The following KLF1 variants were observed in gnomAD, a reference collection of about 807,000 sequenced individuals.
KLF1 encodes KLF transcription factor 1, also known as Krueppel-like factor 1.
KLF1 carries 29 observed loss-of-function variants against 28.0 expected under a neutral mutation model. The ratio of observed to expected loss-of-function variants is 1.04; its 90% CI spans 0.77 to 1.41. The LOEUF is 1.41. Among genes scored for constraint, KLF1 ranks in the 40% most tolerant of loss-of-function variants. The probability of loss-of-function intolerance (pLI) is 0.00; values close to 1 mark genes in which losing one functional copy is unlikely to be tolerated. For synonymous variants in KLF1, 262 were observed against 242.6 expected (o/e 1.08, Z -0.74); for missense variants, 508 against 515.1 (o/e 0.99, Z 0.13).
chr19:12,884,984 G>C lies in KLF1; in HGVS notation c.990C>G (p.Tyr330Ter). Reference sequence around the variant, plus strand: ...AGGGGCGCTGCCCCGTGTGTTTCCGGTAGTGGCGGGTCAGCTCGTCCGAGC... The same window carrying C: ...AGGGGCGCTGCCCCGTGTGTTTCCGCTAGTGGCGGGTCAGCTCGTCCGAGC... ...FARSDELTRH[Y>*]RKHTGQRPFR... The change falls in exon 3 of 3, where the codon TAC (tyrosine) becomes TAG (stop). Residue 330 changes from tyrosine (Y) to a stop codon, truncating the protein, a stop_gained. Coordinates refer to ENST00000264834, the MANE Select transcript of KLF1 (RefSeq NM_006563.5). LOFTEE classifies it high-confidence loss of function. 1 of 1,611,842 alleles carries C rather than the reference G, an allele frequency of 6.2e-7. No individual in the cohort carries two copies. Among genetic ancestry groups the C allele is most frequent in the Non-Finnish European group, 8.5e-7 (1 of 1,179,916 alleles).
chr19:12,884,846 TC>T lies in KLF1; in HGVS notation c.*38del, dbSNP rs1970416839. On this transcript the variant is annotated 3_prime_UTR_variant, in exon 3 of 3. Coordinates refer to ENST00000264834, the MANE Select transcript of KLF1 (RefSeq NM_006563.5). ...ACCACCAAACAGGCTTCTTGTCCCA[TC>T]CCCAGTCACTAGGAGAGTCCAAGTG... 2 of 1,608,990 alleles carry T rather than the reference TC, an allele frequency of 1.2e-6. No individual in the cohort carries two copies. The highest frequency in any genetic ancestry group is 1.7e-6 in the Non-Finnish European group (2 of 1,177,308).
chr19:12,884,649 G>T lies in KLF1; in HGVS notation c.*236C>A. ...TTTGCACGACAGTTTGGACATCTCT[G>T]TGTGGCTCCCTGTGGCTGAAGGCTT... On this transcript the variant is annotated 3_prime_UTR_variant, in exon 3 of 3. Transcript: ENST00000264834. 1.7e-6 allele frequency: 1 copy of T among 579,118 alleles called. No individual in the cohort carries two copies. 35.9% of individuals were successfully genotyped at this position (579,118 alleles called of 1,614,324 possible).
chr19:12,884,805 G>T lies in KLF1; in HGVS notation c.*80C>A. The stretch of plus-strand genomic sequence containing the variant: ...AAAACCACCCAGCATTGTGTCACGC[G>T]CGTCCGTGTGAAGAGACCACCAAAC... On this transcript the variant is annotated 3_prime_UTR_variant, in exon 3 of 3. Transcript: ENST00000264834. 2 of 1,480,386 alleles carry T rather than the reference G, an allele frequency of 1.4e-6. No individual in the cohort carries two copies. Among genetic ancestry groups the T allele is most frequent in the African/African-American group, 1.4e-5 (1 of 72,472 alleles). The allele number at this position is 1,480,386 out of a possible 1,614,324, so 91.7% of individuals were successfully genotyped here. A position where few individuals can be genotyped will look rare whatever the true frequency, so the allele number is the denominator to read the frequency against.
In KLF1 at chr19:12,885,120, G is replaced by A. The variant is rs545302363; in HGVS notation, c.914-60C>T. On this transcript the variant is annotated intron_variant, in intron 2 of 2. Transcript: ENST00000264834. This position sits in a 1 kb window ranked among gnomAD's most constrained non-coding sequence, Gnocchi z 5.6. ...GCCCAGTCATGTCCCCGGGTCCCCTGCATCTGGCCACACCCCTTTACTCAG... is the reference window on the plus strand; with the variant it reads ...GCCCAGTCATGTCCCCGGGTCCCCTACATCTGGCCACACCCCTTTACTCAG... 25 of 1,569,024 alleles carry A rather than the reference G, an allele frequency of 1.6e-5. No homozygotes were observed. Among genetic ancestry groups the A allele is most frequent in the Middle Eastern group, 1.9e-4 (1 of 5,170 alleles).
At position 12,885,239 on chromosome 19, in the gene KLF1, G is replaced by T; in HGVS notation, c.913+78C>A. ...CAGAGGCCAGCCAAGTCCAAGTCCC[G>T]CCCTCTGCAACCCTTCTTCCCCTGT... On this transcript the variant is annotated intron_variant, in intron 2 of 2. Coordinates refer to ENST00000264834, the MANE Select transcript of KLF1 (RefSeq NM_006563.5). This position sits in a 1 kb window ranked among gnomAD's most constrained non-coding sequence, Gnocchi z 5.6. 1 of 1,412,464 alleles carries T rather than the reference G, an allele frequency of 7.1e-7. No homozygotes were observed. The highest frequency in any genetic ancestry group is 9.7e-7 in the Non-Finnish European group (1 of 1,034,414). 87.5% of individuals were successfully genotyped at this position (1,412,464 alleles called of 1,614,324 possible). A position where few individuals can be genotyped will look rare whatever the true frequency, so the allele number is the denominator to read the frequency against.
rs199685739 is a variant in KLF1 at position 12,885,427 on chromosome 19, C to A, written c.803G>T (p.Arg268Leu). The A allele has an allele frequency of 1.4e-4, 228 of 1,605,840 alleles. 3 individuals carry two copies. In the Middle Eastern group the frequency reaches 6.4e-3, roughly 45 times the overall value. Reference sequence around the variant, plus strand: ...CTGCCTCTTGCGCGCCCACGAACGTCGGCCTCGCTTGGATGGCGCGGTCTC... The same window carrying A: ...CTGCCTCTTGCGCGCCCACGAACGTAGGCCTCGCTTGGATGGCGCGGTCTC... ...IAETAPSKRGRRSWARKRQAA... is the reference protein window; with the variant it reads ...IAETAPSKRGLRSWARKRQAA... The change falls in exon 2 of 3, where the codon CGA (arginine) becomes CTA (leucine). Residue 268 changes from arginine (R) to leucine (L), a missense_variant. Coordinates refer to ENST00000264834, the MANE Select transcript of KLF1 (RefSeq NM_006563.5). This position sits in a 1 kb window ranked among gnomAD's most constrained non-coding sequence, Gnocchi z 5.6.
At position 12,885,839 on chromosome 19, in the gene KLF1, C is replaced by T; in HGVS notation, c.391G>A (p.Asp131Asn). Residue 131 changes from aspartate (D) to asparagine (N), a missense_variant, in exon 2 of 3, where the codon GAT becomes AAT. Asp to Asn is a conservative substitution (Grantham distance 23). Transcript: ENST00000264834. This position sits in a 1 kb window ranked among gnomAD's most constrained non-coding sequence, Gnocchi z 5.6. ...GLVAGLLGSE[D>N]HSGWVRPALR... ...GCAGGGCGCACCCAACCCGAGTGAT[C>T]CTCCGAACCCAAAAGCCCAGCCACC... 6.4e-7 allele frequency: 1 copy of T among 1,550,970 alleles called. No individual in the cohort carries two copies. Among genetic ancestry groups the T allele is most frequent in the Non-Finnish European group, 8.7e-7 (1 of 1,147,560 alleles).
intron 1 of KLF1, among the ~76,000 whole-genome samples, chr19:12,886,609 C>CTTTTTT (rs969979307): frequency 7.3e-6 from 1 of 137,834 alleles, no homozygotes; most frequent in African/African-American, 2.7e-5. Context: ...GATCTCGTTC[C>CTTTTTT]TTTTTTTTTT....
rs1381599706 is a variant in KLF1, at chr19:12,884,500, C to A, written c.*385G>T. On this transcript the variant is annotated 3_prime_UTR_variant, in exon 3 of 3. Coordinates refer to ENST00000264834, the MANE Select transcript of KLF1 (RefSeq NM_006563.5). ...AGCCACAATAAGGGACCTTCAGGAG[C>A]CGCTTTCTAGACCCAGGGTCTCTGG... 1 of 247,246 alleles carries A rather than the reference C, an allele frequency of 4.0e-6. No homozygotes were observed. The highest frequency in any genetic ancestry group is 8.0e-6 in the Non-Finnish European group (1 of 124,410). 15.3% of individuals were successfully genotyped at this position (247,246 alleles called of 1,614,324 possible).
Position 12,885,776 on chromosome 19 carries a change from C to A in KLF1, c.454G>T (p.Ala152Ser). 6.5e-7 allele frequency: 1 copy of A among 1,539,104 alleles called. No homozygotes were observed. The highest frequency in any genetic ancestry group is 8.7e-7 in the Non-Finnish European group (1 of 1,143,274). ...ARAPDAFVGPALAPAPAPEPK... is the reference protein window; with the variant it reads ...ARAPDAFVGPSLAPAPAPEPK... ...TCGGGGGCCGGGGCTGGAGCCAGGG[C>A]TGGGCCCACGAAGGCGTCGGGAGCC... Residue 152 changes from alanine to serine, a missense_variant, in exon 2 of 3, where the codon GCC becomes TCC. Coordinates refer to ENST00000264834, the MANE Select transcript of KLF1 (RefSeq NM_006563.5). This position sits in a 1 kb window ranked among gnomAD's most constrained non-coding sequence, Gnocchi z 5.6.
At position 12,885,298 on chromosome 19, in the gene KLF1, C is replaced by CG. The variant is rs1970424052; in HGVS notation, c.913+18dup. 7 of 1,558,190 alleles carry CG rather than the reference C, an allele frequency of 4.5e-6. No homozygotes were observed. The Admixed American group carries it at 1.3e-4, about 30-fold the overall frequency. On this transcript the variant is annotated intron_variant, in intron 2 of 2. Coordinates refer to ENST00000264834, the MANE Select transcript of KLF1 (RefSeq NM_006563.5). The surrounding 1 kb of genome is among the most constrained non-coding windows in gnomAD (Gnocchi z 5.6). Reference sequence around the variant, plus strand: ...CGGGCGCCGCGCCCTTTCTCATGTCCGGGGCCCCGCCCCCTCACCTGTGTG... The same window carrying CG: ...CGGGCGCCGCGCCCTTTCTCATGTCCGGGGGCCCCGCCCCCTCACCTGTGTG...
rs941032169 is a variant in KLF1 at position 12,885,844 on chromosome 19, G to A, written c.386C>T (p.Ser129Leu). ...GPGLVAGLLG[S>L]EDHSGWVRPA... ...GCGCACCCAACCCGAGTGATCCTCC[G>A]AACCCAAAAGCCCAGCCACCAGCCC... Residue 129 changes from serine (S) to leucine (L), a missense_variant, in exon 2 of 3, where the codon TCG becomes TTG. Ser to Leu is a moderately radical substitution (Grantham distance 145). Transcript: ENST00000264834. The surrounding 1 kb of genome is among the most constrained non-coding windows in gnomAD (Gnocchi z 5.6). 3 of 1,551,206 alleles carry A rather than the reference G, an allele frequency of 1.9e-6. No individual in the cohort carries two copies. The highest frequency in any genetic ancestry group is 2.7e-5 in the African/African-American group (2 of 73,112).
In KLF1 at chr19:12,885,789, G is replaced by C; in HGVS notation, c.441C>G (p.Ala147=). The change falls in exon 2 of 3, where the codon GCC becomes GCG. Residue 147 remains alanine (A), a synonymous_variant. Transcript: ENST00000264834. This position sits in a 1 kb window ranked among gnomAD's most constrained non-coding sequence, Gnocchi z 5.6. ...RPALRARAPD[A]FVGPALAPAP... Reference sequence around the variant, plus strand: ...CTGGAGCCAGGGCTGGGCCCACGAAGGCGTCGGGAGCCCGGGCTCGCAGGG... The same window carrying C: ...CTGGAGCCAGGGCTGGGCCCACGAACGCGTCGGGAGCCCGGGCTCGCAGGG... 1 of 1,542,828 alleles carries C rather than the reference G, an allele frequency of 6.5e-7. No individual in the cohort carries two copies.
At chr19:12,886,316 C>CT (rs1459744306) in intron 1 of KLF1, among the ~76,000 whole-genome samples, 174 bp from the exon 2 acceptor site, 1 of 152,176 alleles carries the variant, frequency 6.6e-6, no homozygotes, top group African/African-American at 2.4e-5. Context: ...CCGCTCCCCC[C>CT]CCAGCTCCAG....
In KLF1 at chr19:12,884,862, G is replaced by A; in HGVS notation, c.*23C>T. 2 of 1,611,670 alleles carry A rather than the reference G, an allele frequency of 1.2e-6. No homozygotes were observed. The highest frequency in any genetic ancestry group is 1.7e-6 in the Non-Finnish European group (2 of 1,178,634). ...CTTGTCCCATCCCCAGTCACTAGGAGAGTCCAAGTGCCAGGGCAGGGCTCA... is the reference window on the plus strand; with the variant it reads ...CTTGTCCCATCCCCAGTCACTAGGAAAGTCCAAGTGCCAGGGCAGGGCTCA... On this transcript the variant is annotated 3_prime_UTR_variant, in exon 3 of 3. Transcript: ENST00000264834.
At position 12,885,947 on chromosome 19, in the gene KLF1, C is replaced by T; in HGVS notation, c.283G>A (p.Ala95Thr). 6.4e-7 allele frequency: 1 copy of T among 1,566,704 alleles called. No individual in the cohort carries two copies. The highest frequency in any genetic ancestry group is 8.6e-7 in the Non-Finnish European group (1 of 1,156,226). Residue 95 changes from alanine to threonine, a missense_variant, in exon 2 of 3, where the codon GCT becomes ACT. By Grantham distance (58) the Ala-to-Thr change is moderately conservative. Coordinates refer to ENST00000264834, the MANE Select transcript of KLF1 (RefSeq NM_006563.5). The surrounding 1 kb of genome is among the most constrained non-coding windows in gnomAD (Gnocchi z 5.6). ...CCGGAGGCCTCGCTGGGCGCCAGAG[C>T]GCAGGTCTGGGGCGCGCCACCGGGC... ...PEPGGAPQTC[A>T]LAPSEASGAQ...
Position 12,884,957 on chromosome 19 carries a change from G to A in KLF1, c.1017C>T (p.Phe339=), listed in dbSNP as rs1379546681. 2 of 1,613,652 alleles carry A rather than the reference G, an allele frequency of 1.2e-6. No individual in the cohort carries two copies. Among genetic ancestry groups the A allele is most frequent in the African/African-American group, 1.3e-5 (1 of 74,942 alleles). The stretch of plus-strand genomic sequence containing the variant: ...AAGCACGTGGGCAGAGCTGGCAGCG[G>A]AAGGGGCGCTGCCCCGTGTGTTTCC... The part of the protein sequence containing the change: ...HYRKHTGQRP[F]RCQLCPRAFS... The change falls in exon 3 of 3, where the codon TTC becomes TTT. Residue 339 remains phenylalanine (F), a synonymous_variant. Transcript: ENST00000264834.
chr19:12,885,515 A>G lies in KLF1; in HGVS notation c.715T>C (p.Leu239=), dbSNP rs1970431669. The G allele has an allele frequency of 1.3e-6, 2 of 1,593,536 alleles. No homozygotes were observed. Among genetic ancestry groups the G allele is most frequent in the South Asian group, 2.3e-5 (2 of 88,596 alleles). ...CCAGTGCCCACCGTCCCGGGTCCCAAACAACTCAGGAAGGAGGGGGACGTG... is the reference window on the plus strand; with the variant it reads ...CCAGTGCCCACCGTCCCGGGTCCCAGACAACTCAGGAAGGAGGGGGACGTG... ...PATSPSFLSC[L]GPGTVGTGLG... is the part of the protein sequence containing the mutation. Residue 239 remains leucine, a synonymous_variant, in exon 2 of 3, where the codon TTG becomes CTG. Transcript: ENST00000264834. This position sits in a 1 kb window ranked among gnomAD's most constrained non-coding sequence, Gnocchi z 5.6.
Position 12,884,994 on chromosome 19 carries a change from G to T in KLF1, c.980C>A (p.Thr327Asn), listed in dbSNP as rs778995946. The change falls in exon 3 of 3, where the codon ACC becomes AAC. Residue 327 changes from threonine to asparagine, a missense_variant. By Grantham distance (65) the Thr-to-Asn change is moderately conservative. Coordinates refer to ENST00000264834, the MANE Select transcript of KLF1 (RefSeq NM_006563.5). ...GWRFARSDEL[T>N]RHYRKHTGQR... is the part of the protein sequence containing the mutation. Reference sequence around the variant, plus strand: ...CCCCGTGTGTTTCCGGTAGTGGCGGGTCAGCTCGTCCGAGCGCGCGAATCT... The same window carrying T: ...CCCCGTGTGTTTCCGGTAGTGGCGGTTCAGCTCGTCCGAGCGCGCGAATCT... 1.9e-6 allele frequency: 3 copies of T among 1,611,042 alleles called. No individual in the cohort carries two copies. In the African/African-American group the frequency reaches 4.0e-5, roughly 21 times the overall value.
Sources: allele counts gnomAD v4.1 joint callset (sites outside exome capture counted in the v4.1 genomes callset), GRCh38; gene constraint gnomAD v4.1.1; non-coding constraint Gnocchi (gnomAD v3.1); transcripts MANE v1.5; gene names NCBI Gene and HGNC (gene_info 2026-07-23, HGNC 2026-07-21).